The following ZNF428 variants were observed in gnomAD, a reference collection of about 807,000 sequenced individuals.
The protein encoded by ZNF428 is zinc finger protein 428.
Under a neutral mutation model 15.6 loss-of-function variants are expected in ZNF428, and 5 were observed. The ratio of observed to expected loss-of-function variants is 0.32; its 90% CI spans 0.17 to 0.67. The LOEUF is 0.67. Among genes scored for constraint, ZNF428 ranks in the 30% least tolerant of loss-of-function variants. The pLI, the probability that ZNF428 is intolerant of heterozygous loss-of-function variation, is 0.73. For synonymous variants in ZNF428, 97 were observed against 102.2 expected, an observed-to-expected ratio of 0.95 and a Z score of 0.31; for missense variants, 237 against 256.0, an observed-to-expected ratio of 0.93 and a Z score of 0.51.
chr19:43,613,135 G>C, intron 2 of ZNF428: 1 of 1,551,666 alleles, frequency 6.4e-7, no homozygotes, highest in Non-Finnish European at 8.7e-7. Flanking sequence ...ACAGCAAGGG[G>C]AAAAGTCAAA....
At chr19:43,619,046 T>C (rs1973406927) in intron 1 of ZNF428, among the ~76,000 whole-genome samples, 1 of 152,144 alleles carries the variant, frequency 6.6e-6, no homozygotes, top group Non-Finnish European at 1.5e-5. Flanking sequence ...CCTGGGCCTA[T>C]AGCAGTCAAT....
chr19:43,618,971 C>T (rs1197626816), intron 1 of ZNF428, among the ~76,000 whole-genome samples: 1 of 152,074 alleles, frequency 6.6e-6, no homozygotes, highest in Non-Finnish European at 1.5e-5. Flanking sequence ...TCACAAGTCC[C>T]ACTCCTACCA....
intron 2 of ZNF428, chr19:43,613,705 C>G (rs1249123894): frequency 6.4e-7 from 1 of 1,551,322 alleles, no homozygotes; most frequent in Non-Finnish European, 8.7e-7. Flanking sequence ...GAAGCCCCAG[C>G]AAGGAGAGAC....
intron 2 of ZNF428, among the ~76,000 whole-genome samples, chr19:43,609,779 A>C (rs958400134): frequency 2.0e-5 from 3 of 151,684 alleles, no homozygotes; most frequent in African/African-American, 7.3e-5. Flanking sequence ...TTTATAGTTG[A>C]TATACGGAAA....
chr19:43,607,788 C>A lies in ZNF428; in HGVS notation c.396G>T (p.Gly132=). 2 of 1,590,836 alleles carry A rather than the reference C, an allele frequency of 1.3e-6. No homozygotes were observed. Among genetic ancestry groups the A allele is most frequent in the Non-Finnish European group, 8.6e-7 (1 of 1,168,836 alleles). The part of the protein sequence containing the change: ...EAPAPEGRAL[G]EEEEEPPRAG... ...CCCGAGGTGGTTCCTCCTCTTCCTCCCCGAGGGCCCTGCCTTCAGGGGCTG... is the reference window on the plus strand; with the variant it reads ...CCCGAGGTGGTTCCTCCTCTTCCTCACCGAGGGCCCTGCCTTCAGGGGCTG... Residue 132 remains glycine (G), a synonymous_variant, in exon 3 of 3, where the codon GGG becomes GGT. Coordinates refer to ENST00000300811, the MANE Select transcript of ZNF428 (RefSeq NM_182498.4). The surrounding 1 kb of genome is among the most constrained non-coding windows in gnomAD (Gnocchi z 5.1).
chr19:43,617,202 G>A lies in ZNF428; in HGVS notation c.-131+2356C>T, dbSNP rs1974502123. 1.3e-5 allele frequency among the ~76,000 whole-genome samples: 2 copies of A among 151,942 alleles called. 1 individual carries two copies. Among genetic ancestry groups the A allele is most frequent in the South Asian group, 4.2e-4 (2 of 4,814 alleles). On this transcript the variant is annotated intron_variant, in intron 1 of 2. Transcript: ENST00000300811. ...CCCGCTGAAATACTGCCTCTGCCAG[G>A]AAGCCTTCTGTGACTTCTCTCTCTC... is the stretch of plus-strand genomic sequence containing the variant.
chr19:43,610,295 GT>G (rs1231517942), intron 2 of ZNF428, among the ~76,000 whole-genome samples: 1 of 151,634 alleles, frequency 6.6e-6, no homozygotes, highest in Non-Finnish European at 1.5e-5. Flanking sequence ...CGCCTCCTGG[GT>G]TCAGGCAATT....
In ZNF428 at chr19:43,612,114, C is replaced by T. The variant is rs866864503; in HGVS notation, c.76+2115G>A. 1 of 1,547,524 alleles carries T rather than the reference C, an allele frequency of 6.5e-7. No individual in the cohort carries two copies. The highest frequency in any genetic ancestry group is 8.7e-7 in the Non-Finnish European group (1 of 1,143,562). On this transcript the variant is annotated intron_variant, in intron 2 of 2. Coordinates refer to ENST00000300811, the MANE Select transcript of ZNF428 (RefSeq NM_182498.4). This position sits in a 1 kb window ranked among gnomAD's most constrained non-coding sequence, Gnocchi z 4.2. ...ACTTCCAGGACCACAAGCCCTTTTG[C>T]GCCCACCATGTCTTCACCTAAGAGA...
chr19:43,612,770 G>A lies in ZNF428; in HGVS notation c.76+1459C>T, dbSNP rs1248284752. On this transcript the variant is annotated intron_variant, in intron 2 of 2. Transcript: ENST00000300811. This position sits in a 1 kb window ranked among gnomAD's most constrained non-coding sequence, Gnocchi z 4.2. ...CGAGCTGGCTGTAACTCCCAGTACA[G>A]CCAAGTGTCAAACCCCGACTGGAAT... 1.3e-6 allele frequency: 2 copies of A among 1,551,514 alleles called. No individual in the cohort carries two copies. The highest frequency in any genetic ancestry group is 2.0e-5 in the Admixed American group (1 of 50,976).
At chr19:43,618,706 A>C (rs1973400007) in intron 1 of ZNF428, among the ~76,000 whole-genome samples, 1 of 151,336 alleles carries the variant, frequency 6.6e-6, no homozygotes, top group Non-Finnish European at 1.5e-5. Context: ...CCAAAGAATT[A>C]ATATAGCTAT....
intron 2 of ZNF428, chr19:43,613,866 G>C (rs1195870284): frequency 1.3e-6 from 2 of 1,551,508 alleles, no homozygotes; most frequent in Non-Finnish European, 1.7e-6. Flanking sequence ...AGAGAGCGCA[G>C]ACAATCTAGA....
At chr19:43,615,996 AGGT>A (rs1973368387) in intron 1 of ZNF428, among the ~76,000 whole-genome samples, 1 of 152,180 alleles carries the variant, frequency 6.6e-6, no homozygotes, top group Non-Finnish European at 1.5e-5. Flanking sequence ...ACAATCAAGA[AGGT>A]GGGGAAGATT....
rs1242574127 is a variant in ZNF428, at chr19:43,612,038, CA to C, written c.76+2190del. On this transcript the variant is annotated intron_variant, in intron 2 of 2. Transcript: ENST00000300811. This position sits in a 1 kb window ranked among gnomAD's most constrained non-coding sequence, Gnocchi z 4.2. ...ATTACTTCACACAGTTGGCCTGTGA[CA>C]GGCAATCAGGTCATCGTCCACGGCT... 1 of 1,052,708 alleles carries C rather than the reference CA, an allele frequency of 9.5e-7. No individual in the cohort carries two copies. The highest frequency in any genetic ancestry group is 1.5e-5 in the South Asian group (1 of 66,072). 65.2% of individuals were successfully genotyped at this position (1,052,708 alleles called of 1,614,324 possible).
At position 43,607,671 on chromosome 19, in the gene ZNF428, G is replaced by A. The variant is rs143962735; in HGVS notation, c.513C>T (p.Asp171=). 1.1e-3 allele frequency: 1,765 copies of A among 1,611,402 alleles called. 7 individuals carry two copies. The highest frequency in any genetic ancestry group is 5.1e-3 in the South Asian group (463 of 90,726). The change falls in exon 3 of 3, where the codon GAC becomes GAT. Residue 171 remains aspartate, a synonymous_variant. Transcript: ENST00000300811. The surrounding 1 kb of genome is among the most constrained non-coding windows in gnomAD (Gnocchi z 5.1). Reference sequence around the variant, plus strand: ...AGTGCCCGTGCAGCTCCCCCAGGTTGTCGAAGGAATCCTCACATTCCGTAC... The same window carrying A: ...AGTGCCCGTGCAGCTCCCCCAGGTTATCGAAGGAATCCTCACATTCCGTAC... The part of the protein sequence containing the change: ...YHCTECEDSF[D]NLGELHGHFM...
rs369108312 is a variant in ZNF428, at chr19:43,612,696, G to A, written c.76+1533C>T. The A allele has an allele frequency of 1.1e-4, 172 of 1,551,448 alleles. No individual in the cohort carries two copies. The highest frequency in any genetic ancestry group is 1.5e-4 in the Non-Finnish European group (169 of 1,147,004). ...AGTGACAGCCAGCCTAGAAATCTGA[G>A]CAAGAAGAGTTACCGCCCACCAGGA... On this transcript the variant is annotated intron_variant, in intron 2 of 2. Transcript: ENST00000300811. The surrounding 1 kb of genome is among the most constrained non-coding windows in gnomAD (Gnocchi z 4.2).
intron 1 of ZNF428, among the ~76,000 whole-genome samples, chr19:43,619,260 C>G (rs1001966681): frequency 2.0e-5 from 3 of 152,180 alleles, no homozygotes; most frequent in African/African-American, 7.2e-5. Flanking sequence ...GGACGGTCAG[C>G]GGCAGGTGTG....
chr19:43,617,206 C>G (rs1247709274), intron 1 of ZNF428, among the ~76,000 whole-genome samples: 1 of 152,062 alleles, frequency 6.6e-6, no homozygotes, highest in Non-Finnish European at 1.5e-5. Context: ...TGCCAGGAAG[C>G]CTTCTGTGAC....
chr19:43,609,994 G>A (rs911912681), intron 2 of ZNF428, among the ~76,000 whole-genome samples: 1 of 151,968 alleles, frequency 6.6e-6, no homozygotes, highest in Non-Finnish European at 1.5e-5. Context: ...CCTGTGCTCC[G>A]CCCTTGCTCC....
At chr19:43,615,842 G>A (rs903409290) in intron 1 of ZNF428, among the ~76,000 whole-genome samples, 3 of 152,132 alleles carry the variant, frequency 2.0e-5, no homozygotes, top group East Asian at 1.9e-4. Flanking sequence ...GGAGCTTCAC[G>A]CCCTCCCTGG....
Sources: allele counts gnomAD v4.1 joint callset (sites outside exome capture counted in the v4.1 genomes callset), GRCh38; gene constraint gnomAD v4.1.1; non-coding constraint Gnocchi (gnomAD v3.1); transcripts MANE v1.5; gene names NCBI Gene and HGNC (gene_info 2026-07-23, HGNC 2026-07-21).